The following RAI2 variants were observed in gnomAD, a reference collection of about 807,000 sequenced individuals.
RAI2 encodes retinoic acid induced 2.
Under a neutral mutation model 15.3 loss-of-function variants are expected in RAI2, and 5 were observed. That is an observed-to-expected ratio of 0.33 (90% confidence interval 0.17 to 0.69). The LOEUF (loss-of-function observed/expected upper bound fraction) is 0.69. Among genes scored for constraint, RAI2 ranks in the 30% least tolerant of loss-of-function variants. The pLI, the probability that RAI2 is intolerant of heterozygous loss-of-function variation, is 0.69. For synonymous variants in RAI2, 191 were observed against 184.0 expected, an observed-to-expected ratio of 1.04 and a Z score of -0.31; for missense variants, 424 against 424.7, an observed-to-expected ratio of 1.00 and a Z score of 0.01.
At chrX:17,854,101 T>C (rs1056117760) in intron 1 of RAI2, among the ~76,000 whole-genome samples, 1 of 112,235 alleles carries the variant, frequency 8.9e-6, no homozygotes, top group Non-Finnish European at 1.9e-5. Flanking sequence ...GACATATTTT[T>C]CCAGAGCACA....
chrX:17,823,256 A>T (rs1375103071), intron 1 of RAI2, among the ~76,000 whole-genome samples: 1 of 112,408 alleles, frequency 8.9e-6, no homozygotes, highest in Non-Finnish European at 1.9e-5. Context: ...AGTTCCTGGC[A>T]CATGGTAAAT....
intron 1 of RAI2, among the ~76,000 whole-genome samples, chrX:17,818,877 G>A (rs1569347019): frequency 1.8e-5 from 2 of 113,087 alleles, no homozygotes; most frequent in Non-Finnish European, 3.7e-5. Context: ...GGGACTCCCT[G>A]AGCAGGCTCA....
chrX:17,831,368 A>T (rs1265169164), intron 1 of RAI2, among the ~76,000 whole-genome samples: 3 of 111,687 alleles, frequency 2.7e-5, no homozygotes, highest in Non-Finnish European at 5.7e-5. Context: ...GCTTTTTTTT[A>T]AAAAAACAAA....
chrX:17,801,692 T>G lies in RAI2; in HGVS notation c.319A>C (p.Asn107His). 1 of 1,211,575 alleles carries G rather than the reference T, an allele frequency of 8.3e-7. No homozygotes were observed. The highest frequency in any genetic ancestry group is 1.1e-6 in the Non-Finnish European group (1 of 895,476). The change falls in exon 2 of 2, where the codon AAT becomes CAT. Residue 107 changes from asparagine (N) to histidine (H), a missense_variant. Transcript: ENST00000451717. ...GTCATGACGTAGGTGGCATTGCCATTCGGATTGAGCTCTGGTGCGGAGCTT... is the reference window on the plus strand; with the variant it reads ...GTCATGACGTAGGTGGCATTGCCATGCGGATTGAGCTCTGGTGCGGAGCTT... ...EGSSAPELNPNGNATYVMTTQ... is the reference protein window; with the variant it reads ...EGSSAPELNPHGNATYVMTTQ...
intron 1 of RAI2, among the ~76,000 whole-genome samples, chrX:17,842,535 T>C (rs1284912788): frequency 1.8e-5 from 2 of 110,546 alleles, no homozygotes; most frequent in Non-Finnish European, 3.8e-5. Context: ...TCATTTTTGA[T>C]GTTAATGATT....
In RAI2 at chrX:17,819,305, C is replaced by T. The variant is rs1353172293; in HGVS notation, c.-24-17271G>A. ...AAAAAACAACTAAGCAACCATATCT[C>T]ATCCATTACAACAGCTAAACATTTA... On this transcript the variant is annotated intron_variant, in intron 1 of 1. Transcript: ENST00000451717. 4.4e-5 allele frequency among the ~76,000 whole-genome samples: 5 copies of T among 112,482 alleles called. No individual in the cohort carries two copies. The East Asian group carries it at 1.4e-3, about 31-fold the overall frequency.
Position 17,831,147 on chromosome X carries a change from A to T in RAI2, c.-24-29113T>A, listed in dbSNP as rs746642894. Among the ~76,000 whole-genome samples the T allele has an allele frequency of 5.4e-5, 6 of 111,900 alleles. No individual in the cohort carries two copies. In the East Asian group the frequency reaches 1.7e-3, roughly 32 times the overall value. On this transcript the variant is annotated intron_variant, in intron 1 of 1. Transcript: ENST00000451717. ...TGTTTGGCTGTGTCTCTGATACTGG[A>T]ATAAATGTTTGGACTTTTCCATGGA...
chrX:17,833,801 G>C (rs918958371), intron 1 of RAI2, among the ~76,000 whole-genome samples: 2 of 111,849 alleles, frequency 1.8e-5, no homozygotes, highest in African/African-American at 6.5e-5. Flanking sequence ...AAAAGCAATG[G>C]GGGAGATACT....
At chrX:17,820,913 A>T (rs2067157935) in intron 1 of RAI2, among the ~76,000 whole-genome samples, 1 of 109,925 alleles carries the variant, frequency 9.1e-6, no homozygotes, top group Non-Finnish European at 1.9e-5. Flanking sequence ...AAATAGAGAC[A>T]TTTAGAGACA....
chrX:17,843,555 T>TA (rs952700508), intron 1 of RAI2, among the ~76,000 whole-genome samples: 25 of 110,403 alleles, frequency 2.3e-4, no homozygotes, highest in Non-Finnish European at 3.8e-4. Flanking sequence ...TGTTCTTGAA[T>TA]AAAAAAAAAG....
intron 1 of RAI2, among the ~76,000 whole-genome samples, chrX:17,817,107 A>G (rs1291509933): frequency 9.0e-6 from 1 of 111,524 alleles, no homozygotes. Context: ...ATCAACTTCT[A>G]TTGTGTTTGA....
intron 1 of RAI2, among the ~76,000 whole-genome samples, chrX:17,816,874 G>T (rs1422878369): frequency 9.0e-6 from 1 of 111,296 alleles, no homozygotes; most frequent in Non-Finnish European, 1.9e-5. Context: ...AAAGTGAGGG[G>T]CACCACTTCC....
intron 1 of RAI2, among the ~76,000 whole-genome samples, chrX:17,811,639 C>A (rs1229194205): frequency 8.9e-6 from 1 of 111,891 alleles, no homozygotes; most frequent in Non-Finnish European, 1.9e-5. Flanking sequence ...CAGAAATAGA[C>A]CCTCTGAGGG....
At chrX:17,837,732 T>C (rs1295870631) in intron 1 of RAI2, 2 of 112,414 alleles carry the variant, frequency 1.8e-5, no homozygotes. Context: ...CTGGGAAGCC[T>C]GCTGGGTTAA....
chrX:17,834,551 T>C (rs943152330), intron 1 of RAI2, among the ~76,000 whole-genome samples: 1 of 110,007 alleles, frequency 9.1e-6, no homozygotes, highest in African/African-American at 3.3e-5. Flanking sequence ...GCCCATGTGG[T>C]GAATTTGACA....
At chrX:17,859,651 A>T in intron 1 of RAI2, among the ~76,000 whole-genome samples, 1 of 112,711 alleles carries the variant, frequency 8.9e-6, no homozygotes, top group Non-Finnish European at 1.9e-5. Flanking sequence ...CACATCCTTA[A>T]AAACGCCAGA....
chrX:17,853,940 A>G (rs1383059544), intron 1 of RAI2, among the ~76,000 whole-genome samples: 1 of 111,685 alleles, frequency 9.0e-6, no homozygotes, highest in Non-Finnish European at 1.9e-5. Flanking sequence ...AAATCAATAC[A>G]CTGTATCTTA....
intron 1 of RAI2, among the ~76,000 whole-genome samples, chrX:17,834,008 A>G (rs755822533): frequency 3.6e-5 from 4 of 111,737 alleles, no homozygotes; most frequent in South Asian, 3.8e-4. Context: ...GTCAATCCCA[A>G]TGAAATTAGA....
intron 1 of RAI2, among the ~76,000 whole-genome samples, chrX:17,828,195 A>G (rs2067246820): frequency 9.0e-6 from 1 of 110,593 alleles, no homozygotes. Context: ...TCCAGAGACT[A>G]CCTATCAGAA....
Sources: gnomAD v4.1 joint callset for allele counts (sites outside exome capture counted in the v4.1 genomes callset) on GRCh38, gnomAD v4.1.1 for gene constraint, MANE v1.5 for transcripts, NCBI Gene and HGNC (gene_info 2026-07-23, HGNC 2026-07-21) for gene names.